The following NAALADL2 variants were observed in gnomAD, a reference collection of about 807,000 sequenced individuals.
The protein encoded by NAALADL2 is N-acetylated alpha-linked acidic dipeptidase like 2.
Under a neutral mutation model 87.2 loss-of-function variants are expected in NAALADL2, and 76 were observed. The observed-to-expected ratio is 0.87, with a 90% confidence interval of 0.72 to 1.05. NAALADL2 has a LOEUF of 1.05. Ranked by LOEUF, NAALADL2 falls within the 50% of genes least tolerant of loss-of-function variation. The pLI is 0.00. For missense variants in NAALADL2, 1,089 were observed against 945.8 expected, an observed-to-expected ratio of 1.15 and a Z score of -1.99; for synonymous variants, 354 against 331.0, an observed-to-expected ratio of 1.07 and a Z score of -0.75.
At chr3:175,496,309 T>C (rs981259748) in intron 9 of NAALADL2, among the ~76,000 whole-genome samples, 1 of 152,086 alleles carries the variant, frequency 6.6e-6, no homozygotes. Context: ...TTGTTTGTGA[T>C]TTATCATGTC....
intron 5 of NAALADL2, among the ~76,000 whole-genome samples, chr3:175,439,656 T>A (rs992039330): frequency 7.9e-5 from 12 of 151,964 alleles, no homozygotes; most frequent in African/African-American, 2.4e-4. Flanking sequence ...AAAATGTTTT[T>A]TCATATTGTT....
intron 4 of NAALADL2, among the ~76,000 whole-genome samples, chr3:175,264,520 A>T (rs1371539860): frequency 6.6e-6 from 1 of 151,728 alleles, no homozygotes; most frequent in Non-Finnish European, 1.5e-5. Flanking sequence ...TCAAGACTGC[A>T]CCTTTGTGTT....
intron 11 of NAALADL2, among the ~76,000 whole-genome samples, chr3:175,706,682 C>G (rs2149986787): frequency 6.6e-6 from 1 of 152,222 alleles, no homozygotes; most frequent in Non-Finnish European, 1.5e-5. Flanking sequence ...GTTGACCAAC[C>G]TAAATTCTAG....
intron 3 of NAALADL2, among the ~76,000 whole-genome samples, chr3:175,235,991 C>G (rs769594463): frequency 1.3e-5 from 2 of 152,070 alleles, no homozygotes; most frequent in Admixed American, 1.3e-4. Context: ...CCTCAATGCC[C>G]GTGCACTTTC....
At chr3:175,733,826 G>C (rs867674547) in intron 11 of NAALADL2, among the ~76,000 whole-genome samples, 1 of 152,178 alleles carries the variant, frequency 6.6e-6, no homozygotes, top group Non-Finnish European at 1.5e-5. Flanking sequence ...AAATACAGGG[G>C]CTACAGGCTC....
intron 5 of NAALADL2, among the ~76,000 whole-genome samples, chr3:175,443,825 A>G (rs775250362): frequency 6.9e-6 from 1 of 144,094 alleles, no homozygotes; most frequent in Non-Finnish European, 1.5e-5. Context: ...TTACATAGTG[A>G]TAATGTTAAC....
At chr3:174,617,339 A>G (rs1578331265) in intron 2 of NAALADL2, among the ~76,000 whole-genome samples, 1 of 151,782 alleles carries the variant, frequency 6.6e-6, no homozygotes, top group East Asian at 1.9e-4. Context: ...AGAACACTAA[A>G]GAAGAAAATA....
chr3:175,758,330 T>C (rs999203539), intron 13 of NAALADL2, among the ~76,000 whole-genome samples: 1 of 151,990 alleles, frequency 6.6e-6, no homozygotes, highest in Non-Finnish European at 1.5e-5. Flanking sequence ...ATTACTATAG[T>C]TATTGAAGGA....
intron 9 of NAALADL2, among the ~76,000 whole-genome samples, chr3:175,510,753 A>G (rs150639911): frequency 1.6e-3 from 239 of 152,204 alleles, no homozygotes; most frequent in South Asian, 0.014. Context: ...TTATCTTGGT[A>G]TTTGTACTTT....
At chr3:175,791,381 A>G (rs1752757146) in intron 13 of NAALADL2, among the ~76,000 whole-genome samples, 1 of 152,216 alleles carries the variant, frequency 6.6e-6, no homozygotes, top group African/African-American at 2.4e-5. Flanking sequence ...AAGGTGAATC[A>G]GGGTCCAGAT....
At chr3:175,605,379 TAA>T (rs11353624) in intron 10 of NAALADL2, among the ~76,000 whole-genome samples, 1 of 151,834 alleles carries the variant, frequency 6.6e-6, no homozygotes, top group African/African-American at 2.4e-5. Flanking sequence ...TTATTCCCAT[TAA>T]AAAAAAGATA....
rs756679712 is a variant in NAALADL2 at position 174,839,870 on chromosome 3, C to T, written c.-9+102124C>T. Reference sequence around the variant, plus strand: ...AAAAAAATAGTTGTTCGCATGGATGCGGTGAACAGGGAACACTTCTACAGT... The same window carrying T: ...AAAAAAATAGTTGTTCGCATGGATGTGGTGAACAGGGAACACTTCTACAGT... On this transcript the variant is annotated intron_variant, in intron 3 of 3. Coordinates refer to the NAALADL2 transcript ENST00000434257. 2.6e-5 allele frequency among the ~76,000 whole-genome samples: 4 copies of T among 151,868 alleles called. No individual in the cohort carries two copies. In the South Asian group the frequency reaches 6.2e-4, roughly 24 times the overall value.
At chr3:175,565,203 A>C (rs1271748836) in intron 9 of NAALADL2, among the ~76,000 whole-genome samples, 1 of 152,176 alleles carries the variant, frequency 6.6e-6, no homozygotes, top group African/African-American at 2.4e-5. Flanking sequence ...CATTCCATTC[A>C]CTATTCTTAT....
At chr3:175,374,912 ATAAATAAG>A (rs1766959679) in intron 5 of NAALADL2, among the ~76,000 whole-genome samples, 1 of 150,500 alleles carries the variant, frequency 6.6e-6, no homozygotes, top group South Asian at 2.1e-4. Context: ...AAATAAATAA[ATAAATAAG>A]TCAAGTTGTG....
In NAALADL2 at chr3:175,447,298, T is replaced by G; in HGVS notation, c.1160T>G (p.Val387Gly). 6.2e-7 allele frequency: 1 copy of G among 1,606,770 alleles called. No individual in the cohort carries two copies. Among genetic ancestry groups the G allele is most frequent in the Non-Finnish European group, 8.5e-7 (1 of 1,175,848 alleles). The change falls in exon 6 of 14, where the codon GTT becomes GGT. Residue 387 changes from valine to glycine, a missense_variant. Coordinates refer to ENST00000454872, the MANE Select transcript of NAALADL2 (RefSeq NM_207015.3). The stretch of plus-strand genomic sequence containing the variant: ...GTGCAGCCCATCTCTGCACCCCTCG[T>G]TGCAAAACTGATCTCTTCGCCAAAA... ...LLVQPISAPL[V>G]AKLISSPKAR...
intron 1 of NAALADL2, among the ~76,000 whole-genome samples, chr3:174,516,878 G>A (rs1463190387): frequency 4.0e-5 from 6 of 151,730 alleles, no homozygotes; most frequent in African/African-American, 2.4e-5. Context: ...ACAAAGAATA[G>A]TGATTTTGAA....
At chr3:174,591,450 G>A (rs2108586531) in intron 2 of NAALADL2, among the ~76,000 whole-genome samples, 1 of 152,272 alleles carries the variant, frequency 6.6e-6, no homozygotes, top group East Asian at 1.9e-4. Flanking sequence ...TGAGTTCAGA[G>A]GGCATCTCTA....
At chr3:174,770,422 C>A (rs999531321) in intron 3 of NAALADL2, among the ~76,000 whole-genome samples, 1 of 152,084 alleles carries the variant, frequency 6.6e-6, no homozygotes, top group Non-Finnish European at 1.5e-5. Context: ...TCTGTTACTT[C>A]TCATTTGTGA....
At chr3:174,690,508 A>G (rs1258358156) in intron 2 of NAALADL2, among the ~76,000 whole-genome samples, 3 of 152,198 alleles carry the variant, frequency 2.0e-5, no homozygotes, top group African/African-American at 7.2e-5. Flanking sequence ...GTCAGCTGAT[A>G]TGTGCTTAGG....
Sources: gnomAD v4.1 joint callset for allele counts (sites outside exome capture counted in the v4.1 genomes callset) on GRCh38, gnomAD v4.1.1 for gene constraint, MANE v1.5 for transcripts, NCBI Gene and HGNC (gene_info 2026-07-23, HGNC 2026-07-21) for gene names.